The following ATP6V1H variants were observed in gnomAD, a reference collection of about 807,000 sequenced individuals.
ATP6V1H encodes the protein V-type proton ATPase subunit H.
ATP6V1H carries 39 observed loss-of-function variants against 71.7 expected under a neutral mutation model. That is an observed-to-expected ratio of 0.54 (90% CI 0.42 to 0.71). ATP6V1H has a LOEUF of 0.71. ATP6V1H is among the 30% of genes least tolerant of loss of function. ATP6V1H has a pLI of 0.00. For missense variants in ATP6V1H, 509 were observed against 594.9 expected (o/e 0.86, Z 1.50); for synonymous variants, 192 against 199.3 (o/e 0.96, Z 0.31).
chr8:53,833,427 G>C (rs1348202672), intron 2 of ATP6V1H, among the ~76,000 whole-genome samples: 12 of 152,012 alleles, frequency 7.9e-5, no homozygotes, highest in African/African-American at 2.9e-4. Context: ...GCATTACCCA[G>C]TGTCTCACCC....
chr8:53,759,974 G>GA (rs1216910309), intron 11 of ATP6V1H, among the ~76,000 whole-genome samples: 1 of 152,148 alleles, frequency 6.6e-6, no homozygotes, highest in Admixed American at 6.5e-5. Flanking sequence ...ATTTCATCCA[G>GA]ATCTATCTTA....
At chr8:53,782,469 C>T (rs1179206829) in intron 9 of ATP6V1H, among the ~76,000 whole-genome samples, 2 of 151,828 alleles carry the variant, frequency 1.3e-5, no homozygotes, top group Non-Finnish European at 2.9e-5. Context: ...TCTAGATATA[C>T]AATCATGTCA....
intron 5 of ATP6V1H, among the ~76,000 whole-genome samples, chr8:53,816,559 A>T (rs1810457443): frequency 6.6e-6 from 1 of 152,192 alleles, no homozygotes; most frequent in East Asian, 1.9e-4. Flanking sequence ...GCACTCTGGG[A>T]GGCCGAGGCA....
chr8:53,732,723 G>GA (rs1197549476), intron 13 of ATP6V1H, among the ~76,000 whole-genome samples: 1 of 150,020 alleles, frequency 6.7e-6, no homozygotes, highest in East Asian at 2.0e-4. Flanking sequence ...AGAATTAAAA[G>GA]AAGAAATCCC....
intron 13 of ATP6V1H, among the ~76,000 whole-genome samples, chr8:53,741,214 T>A (rs1457760169): frequency 2.0e-5 from 3 of 152,100 alleles, no homozygotes; most frequent in African/African-American, 7.2e-5. Context: ...AAAAGTCAAA[T>A]TTAAAAATTT....
intron 10 of ATP6V1H, among the ~76,000 whole-genome samples, chr8:53,771,590 A>ATGT (rs1808658095): frequency 6.6e-6 from 1 of 152,170 alleles, no homozygotes; most frequent in African/African-American, 2.4e-5. Context: ...TTTAATATTA[A>ATGT]AACATGAGCC....
intron 12 of ATP6V1H, among the ~76,000 whole-genome samples, chr8:53,746,378 C>T (rs1326389512): frequency 2.0e-5 from 3 of 151,964 alleles, no homozygotes; most frequent in Non-Finnish European, 4.4e-5. Flanking sequence ...AATTCTCCTG[C>T]CTCAGTCTCC....
At chr8:53,728,131 C>A (rs551991782) in intron 13 of ATP6V1H, among the ~76,000 whole-genome samples, 29 of 152,202 alleles carry the variant, frequency 1.9e-4, no homozygotes, top group African/African-American at 6.5e-4. Context: ...AGCCTTCTCA[C>A]GGTAGCCGCC....
chr8:53,832,622 AT>A (rs1811044102), intron 3 of ATP6V1H: 1 of 156,680 alleles, frequency 6.4e-6, no homozygotes, highest in Non-Finnish European at 1.4e-5. Flanking sequence ...ATGTAATCCC[AT>A]GTCATCAAAG....
At chr8:53,752,588 G>C (rs894301726) in intron 12 of ATP6V1H, among the ~76,000 whole-genome samples, 8 of 152,004 alleles carry the variant, frequency 5.3e-5, no homozygotes, top group African/African-American at 1.7e-4. Flanking sequence ...GTCTTGCTCT[G>C]TTGCCAGGCT....
chr8:53,755,687 TATATATATATATATATATA>T (rs1807992290), intron 12 of ATP6V1H, among the ~76,000 whole-genome samples: 259 of 3,016 alleles, frequency 0.086, 18 homozygotes, highest in African/African-American at 0.11. Flanking sequence ...CCAGCGTACA[TATATATATATATATATATA>T]TATATATATA....
At chr8:53,841,454 G>T in intron 2 of ATP6V1H, 124 bp downstream of exon 2, 1 of 1,148,554 alleles carries the variant, frequency 8.7e-7, no homozygotes. Flanking sequence ...TTATTCTGAA[G>T]AGGAAGTGTT....
intron 4 of ATP6V1H, among the ~76,000 whole-genome samples, chr8:53,827,798 T>C (rs1810871552): frequency 6.6e-6 from 1 of 152,112 alleles, no homozygotes; most frequent in African/African-American, 2.4e-5. Context: ...GCTTCTGCAG[T>C]TCCCCTCTTT....
chr8:53,828,600 G>C (rs919789409), intron 4 of ATP6V1H, among the ~76,000 whole-genome samples: 1 of 152,134 alleles, frequency 6.6e-6, no homozygotes. Flanking sequence ...TCTCAAGACA[G>C]TCCTGATATT....
intron 12 of ATP6V1H, among the ~76,000 whole-genome samples, chr8:53,754,268 G>A (rs1466508015): frequency 6.6e-6 from 1 of 152,160 alleles, no homozygotes; most frequent in Non-Finnish European, 1.5e-5. Flanking sequence ...TCTTCCTACA[G>A]TATCAACCCC....
chr8:53,782,341 T>G (rs1809179477), intron 9 of ATP6V1H, among the ~76,000 whole-genome samples: 1 of 151,986 alleles, frequency 6.6e-6, no homozygotes, highest in Non-Finnish European at 1.5e-5. Context: ...GGCTCTCTGT[T>G]TGTCTGTTAC....
intron 10 of ATP6V1H, among the ~76,000 whole-genome samples, chr8:53,771,323 AC>A (rs1808641894): frequency 3.9e-5 from 6 of 152,342 alleles, no homozygotes; most frequent in Admixed American, 3.9e-4. Context: ...TAATTTAAAA[AC>A]AAAGAATATG....
At chr8:53,772,973 C>A (rs922176426) in intron 9 of ATP6V1H, among the ~76,000 whole-genome samples, 4 of 110,726 alleles carry the variant, frequency 3.6e-5, no homozygotes, top group African/African-American at 1.2e-4. Flanking sequence ...ATTTTTTTTT[C>A]TTTTTACAAG....
At chr8:53,766,166 A>G (rs1164051606) in intron 11 of ATP6V1H, among the ~76,000 whole-genome samples, 1 of 152,258 alleles carries the variant, frequency 6.6e-6, no homozygotes, top group Non-Finnish European at 1.5e-5. Flanking sequence ...GACCGGCTGA[A>G]GCCATGGCAG....
Sources: allele counts gnomAD v4.1 joint callset (sites outside exome capture counted in the v4.1 genomes callset), GRCh38; gene constraint gnomAD v4.1.1; transcripts MANE v1.5; gene names NCBI Gene and HGNC (gene_info 2026-07-23, HGNC 2026-07-21).